The following DNAH17 variants were observed in gnomAD, a reference collection of about 807,000 sequenced individuals.
DNAH17 encodes the protein axonemal beta dynein heavy chain 17.
In DNAH17, 376 loss-of-function variants were observed where a neutral mutation model predicts 485.6. The ratio of observed to expected loss-of-function variants is 0.77; its 90% confidence interval spans 0.71 to 0.84. The LOEUF (loss-of-function observed/expected upper bound fraction) is 0.84, where lower values mean the gene tolerates loss of function less well. DNAH17 is among the 40% of genes least tolerant of loss of function. The probability of loss-of-function intolerance (pLI) is 0.00; values close to 1 mark genes in which losing one functional copy is unlikely to be tolerated. For missense variants in DNAH17, 6,370 were observed against 5,839.3 expected (o/e 1.09, Z -2.96); for synonymous variants, 3,031 against 2,405.9 (o/e 1.26, Z -7.60).
At chr17:78,548,702 A>C (rs1373247045) in intron 16 of DNAH17, among the ~76,000 whole-genome samples, 3 of 152,244 alleles carry the variant, frequency 2.0e-5, no homozygotes, top group Non-Finnish European at 4.4e-5. Context: ...TACAAACTCC[A>C]AACAGGAATT....
At chr17:78,446,713 G>A (rs1024890773) in intron 69 of DNAH17, among the ~76,000 whole-genome samples, 1 of 152,002 alleles carries the variant, frequency 6.6e-6, no homozygotes, top group East Asian at 1.9e-4. Flanking sequence ...GCGCAATCTC[G>A]GCTCACTGCA....
chr17:78,452,666 A>G (rs932845605), intron 65 of DNAH17, among the ~76,000 whole-genome samples: 16 of 152,240 alleles, frequency 1.1e-4, no homozygotes, highest in African/African-American at 3.1e-4. Flanking sequence ...TGAACCCAGG[A>G]GGCAGAGGCT....
chr17:78,434,368 T>TC (rs1268424054), intron 74 of DNAH17, 148 bp from the exon 75 acceptor site: 1 of 651,538 alleles, frequency 1.5e-6, no homozygotes, highest in African/African-American at 1.8e-5. Flanking sequence ...TGTGCAGGTC[T>TC]CTATCAGACC....
rs189229632 is a variant in DNAH17, at chr17:78,494,481, C to T, written c.6270+112G>A. Reference sequence around the variant, plus strand: ...CTGTGGCTCAGAGGTCTCTTTGTAGCATCGGGAAACGTGCGTGTGTGACAC... The same window carrying T: ...CTGTGGCTCAGAGGTCTCTTTGTAGTATCGGGAAACGTGCGTGTGTGACAC... On this transcript the variant is annotated intron_variant, in intron 40 of 80. Coordinates refer to ENST00000389840, the MANE Select transcript of DNAH17 (RefSeq NM_173628.4). 2.8e-4 allele frequency: 344 copies of T among 1,242,124 alleles called. 1 individual carries two copies. In the African/African-American group the frequency reaches 4.4e-3, roughly 16 times the overall value. The allele number at this position is 1,242,124 out of a possible 1,614,324, so 76.9% of individuals were successfully genotyped here.
chr17:78,501,562 T>G (rs2090291027), intron 34 of DNAH17, 180 bp downstream of exon 34: 1 of 991,878 alleles, frequency 1.0e-6, no homozygotes, highest in Non-Finnish European at 1.5e-6. Flanking sequence ...CTCATCTGAC[T>G]GCTGTGTGTT....
intron 69 of DNAH17, among the ~76,000 whole-genome samples, chr17:78,447,695 T>G (rs1415931924): frequency 6.6e-6 from 1 of 152,166 alleles, no homozygotes; most frequent in African/African-American, 2.4e-5. Context: ...CAGGAGAAAA[T>G]CTCATAGTGA....
At position 78,494,193 on chromosome 17, in the gene DNAH17, G is replaced by C. The variant is rs754275951; in HGVS notation, c.6271-20C>G. 15 of 1,600,584 alleles carry C rather than the reference G, an allele frequency of 9.4e-6. No homozygotes were observed. Among genetic ancestry groups the C allele is most frequent in the Non-Finnish European group, 1.3e-5 (15 of 1,171,674 alleles). ...GATGATCTGGGGAGACATGGATGAG[G>C]CTGGGTGAGGAACTGAAGCAGCTTT... On this transcript the variant is annotated intron_variant, in intron 40 of 80. Transcript: ENST00000389840.
intron 75 of DNAH17, among the ~76,000 whole-genome samples, chr17:78,433,786 G>A (rs1291291033): frequency 1.3e-5 from 2 of 152,112 alleles, no homozygotes; most frequent in African/African-American, 4.8e-5. Context: ...AGGAGGTGGG[G>A]GCAAAGGACT....
chr17:78,468,851 G>T lies in DNAH17; in HGVS notation c.8544C>A (p.Ala2848=). ...GGAACACCGAGGGAACGTTCTTCACGGCAGCCTTTATGTACTGAGCAGCGA... is the reference window on the plus strand; with the variant it reads ...GGAACACCGAGGGAACGTTCTTCACTGCAGCCTTTATGTACTGAGCAGCGA... ...IDLAAQYIKA[A]VKNVPSVFLM... The change falls in exon 55 of 81, where the codon GCC becomes GCA. Residue 2848 remains alanine (A), a synonymous_variant. Transcript: ENST00000389840. The T allele has an allele frequency of 6.2e-7, 1 of 1,613,874 alleles. No individual in the cohort carries two copies. The highest frequency in any genetic ancestry group is 8.5e-7 in the Non-Finnish European group (1 of 1,179,894).
Position 78,454,496 on chromosome 17 carries a change from C to G in DNAH17, c.10380G>C (p.Leu3460=), listed in dbSNP as rs180823479. ...KWIKNKYRSE[L]KAIRLGQKSY... ...TCTTCTGTCCCAGGCGGATGGCTTTCAGTTCACTCCTGTATTTGTTTTTGA... is the reference window on the plus strand; with the variant it reads ...TCTTCTGTCCCAGGCGGATGGCTTTGAGTTCACTCCTGTATTTGTTTTTGA... Residue 3460 remains leucine (L), a synonymous_variant, in exon 64 of 81, where the codon CTG becomes CTC. Coordinates refer to ENST00000389840, the MANE Select transcript of DNAH17 (RefSeq NM_173628.4). The G allele has an allele frequency of 6.2e-7, 1 of 1,613,292 alleles. No individual in the cohort carries two copies. The highest frequency in any genetic ancestry group is 1.7e-5 in the Admixed American group (1 of 59,982).
intron 3 of DNAH17, 111 bp from the exon 4 acceptor site, chr17:78,571,893 C>G: frequency 1.9e-6 from 2 of 1,072,930 alleles, no homozygotes; most frequent in Non-Finnish European, 2.7e-6. Flanking sequence ...AGCAGCAGCA[C>G]CGTCTGGTCT....
chr17:78,562,963 C>A (rs373406372), intron 11 of DNAH17, among the ~76,000 whole-genome samples: 5 of 152,174 alleles, frequency 3.3e-5, no homozygotes, highest in Admixed American at 6.5e-5. Flanking sequence ...AACCCACGCC[C>A]AATGGGGGCC....
rs558332873 is a variant in DNAH17 at position 78,424,793 on chromosome 17, G to A, written c.13141+553C>T. 68 of 155,362 alleles carry A rather than the reference G, an allele frequency of 4.4e-4. No homozygotes were observed. The South Asian group carries it at 0.013, about 29-fold the overall frequency. The allele number at this position is 155,362 out of a possible 1,614,324, so 9.6% of individuals were successfully genotyped here. Reference sequence around the variant, plus strand: ...TGGCATTGCTGCTCAACTCAGAGGCGGGCTGAGAAGATGGCCGGCCTCGGT... The same window carrying A: ...TGGCATTGCTGCTCAACTCAGAGGCAGGCTGAGAAGATGGCCGGCCTCGGT... On this transcript the variant is annotated intron_variant, in intron 80 of 80. Coordinates refer to ENST00000389840, the MANE Select transcript of DNAH17 (RefSeq NM_173628.4).
intron 13 of DNAH17, among the ~76,000 whole-genome samples, chr17:78,558,991 G>A (rs571233567): frequency 2.0e-5 from 3 of 152,252 alleles, no homozygotes; most frequent in South Asian, 4.1e-4. Flanking sequence ...AGACATTCCT[G>A]GTCACCATTA....
chr17:78,545,567 T>A (rs1433257142), intron 16 of DNAH17, among the ~76,000 whole-genome samples: 1 of 152,112 alleles, frequency 6.6e-6, no homozygotes, highest in Non-Finnish European at 1.5e-5. Flanking sequence ...CGAATCTCCT[T>A]CGTGATGGCT....
rs2090348445 is a variant in DNAH17, at chr17:78,502,868, C to A, written c.5082+18G>T. On this transcript the variant is annotated intron_variant, in intron 32 of 80. Coordinates refer to ENST00000389840, the MANE Select transcript of DNAH17 (RefSeq NM_173628.4). ...ATCTCAGCCACGAGGCGCCGCCGAG[C>A]CCCCACCCGCCTCAGACCTGGGCTG... is the stretch of plus-strand genomic sequence containing the variant. The A allele has an allele frequency of 6.2e-7, 1 of 1,609,448 alleles. No individual in the cohort carries two copies. Among genetic ancestry groups the A allele is most frequent in the African/African-American group, 1.3e-5 (1 of 74,748 alleles).
In DNAH17 at chr17:78,560,729, C is replaced by G. The variant is rs78321431; in HGVS notation, c.2031+11G>C. On this transcript the variant is annotated intron_variant, in intron 13 of 80. Transcript: ENST00000389840. ...GGAGCCTTTGACGCGGTCCCCACTC[C>G]TGGCACCCACCGCTTTGCTGAAGTT... 2 of 1,544,446 alleles carry G rather than the reference C, an allele frequency of 1.3e-6. No individual in the cohort carries two copies. Among genetic ancestry groups the G allele is most frequent in the Non-Finnish European group, 1.8e-6 (2 of 1,142,546 alleles).
At chr17:78,482,290 T>A (rs1265737332) in intron 48 of DNAH17, among the ~76,000 whole-genome samples, 1 of 152,048 alleles carries the variant, frequency 6.6e-6, no homozygotes, top group Admixed American at 6.6e-5. Flanking sequence ...CCTCCTAAAG[T>A]GTTGAGATTA....
intron 25 of DNAH17, among the ~76,000 whole-genome samples, chr17:78,518,118 A>G (rs1020333002): frequency 1.3e-5 from 2 of 152,266 alleles, no homozygotes; most frequent in African/African-American, 2.4e-5. Flanking sequence ...AGAAAACAAA[A>G]TGGCAGACAT....
Sources: gnomAD v4.1 joint callset for allele counts (sites outside exome capture counted in the v4.1 genomes callset) on GRCh38, gnomAD v4.1.1 for gene constraint, MANE v1.5 for transcripts, NCBI Gene and HGNC (gene_info 2026-07-23, HGNC 2026-07-21) for gene names.